RORA: variants seen among roughly 807,000 people sequenced by gnomAD.
RORA encodes RAR related orphan receptor A.
In RORA, 7 loss-of-function variants were observed where a neutral mutation model predicts 69.5. The observed-to-expected ratio is 0.10, with a 90% CI of 0.06 to 0.19. The LOEUF (loss-of-function observed/expected upper bound fraction) is 0.19, where lower values mean the gene tolerates loss of function less well. RORA is among the 10% of genes least tolerant of loss of function. The probability of loss-of-function intolerance (pLI) is 1.00; values close to 1 mark genes in which losing one functional copy is unlikely to be tolerated. For synonymous variants in RORA, 261 were observed against 240.8 expected, an observed-to-expected ratio of 1.08 and a Z score of -0.78; for missense variants, 457 against 663.0, an observed-to-expected ratio of 0.69 and a Z score of 3.41.
At chr15:60,884,954 GC>G (rs35366422) in intron 1 of RORA, among the ~76,000 whole-genome samples, 1 of 152,132 alleles carries the variant, frequency 6.6e-6, no homozygotes, top group African/African-American at 2.4e-5. Context: ...GAAATAACAG[GC>G]CCCCAAAACA....
intron 1 of RORA, among the ~76,000 whole-genome samples, chr15:60,766,152 G>A (rs1380974171): frequency 6.6e-6 from 1 of 152,082 alleles, no homozygotes; most frequent in Admixed American, 6.6e-5. Context: ...TCACTGGACT[G>A]TTGTTGAAAA....
chr15:61,188,199 TA>T (rs1231296297), intron 1 of RORA, among the ~76,000 whole-genome samples: 1 of 152,062 alleles, frequency 6.6e-6, no homozygotes, highest in Non-Finnish European at 1.5e-5. Flanking sequence ...GGAGTGGGGA[TA>T]GGGAAACTCT....
intron 1 of RORA, among the ~76,000 whole-genome samples, chr15:60,936,537 C>A (rs188365842): frequency 6.6e-6 from 1 of 152,364 alleles, no homozygotes. Context: ...TTTGCCTCGG[C>A]ATCCTCTCCA....
chr15:60,587,388 T>C (rs1161435869), intron 2 of RORA, among the ~76,000 whole-genome samples: 21 of 152,324 alleles, frequency 1.4e-4, no homozygotes, highest in Non-Finnish European at 7.4e-5. Context: ...AGAGTTATAA[T>C]TTCCACTAAC....
chr15:60,499,633 T>G (rs1455172496), intron 10 of RORA, among the ~76,000 whole-genome samples: 1 of 152,250 alleles, frequency 6.6e-6, no homozygotes, highest in African/African-American at 2.4e-5. Flanking sequence ...AGAGAATTTC[T>G]AGAATGTAAC....
At chr15:60,876,246 C>T (rs1019097733) in intron 1 of RORA, among the ~76,000 whole-genome samples, 1 of 142,826 alleles carries the variant, frequency 7.0e-6, no homozygotes, top group African/African-American at 2.6e-5. Flanking sequence ...CTCCCCCAAC[C>T]AAAAAATGTG....
intron 1 of RORA, among the ~76,000 whole-genome samples, chr15:61,141,789 C>T (rs999230747): frequency 1.3e-5 from 2 of 152,192 alleles, no homozygotes; most frequent in South Asian, 2.1e-4. Flanking sequence ...ATCCTCAAAT[C>T]GCCCTGCAAA....
intron 1 of RORA, among the ~76,000 whole-genome samples, chr15:61,046,922 TG>T (rs1477055906): frequency 1.3e-5 from 2 of 152,162 alleles, no homozygotes; most frequent in African/African-American, 4.8e-5. Context: ...TTTGTCAAAG[TG>T]GAATTGATAT....
chr15:60,639,181 G>C (rs1054028397), intron 2 of RORA, among the ~76,000 whole-genome samples: 2 of 146,150 alleles, frequency 1.4e-5, no homozygotes, highest in Non-Finnish European at 3.0e-5. Flanking sequence ...AATCAGGCAA[G>C]TTTATCTTTG....
chr15:61,162,017 G>A (rs1051081350), intron 1 of RORA, among the ~76,000 whole-genome samples: 13 of 152,152 alleles, frequency 8.5e-5, no homozygotes, highest in African/African-American at 3.1e-4. Flanking sequence ...AAATAGAAAT[G>A]TAGATATATA....
chr15:60,692,218 T>A (rs1457158462), intron 1 of RORA, among the ~76,000 whole-genome samples: 9 of 152,200 alleles, frequency 5.9e-5, no homozygotes, highest in East Asian at 3.8e-4. Flanking sequence ...GCCAGATTTT[T>A]AAAAAAATAC....
At chr15:61,144,322 TA>T (rs1309587436) in intron 1 of RORA, among the ~76,000 whole-genome samples, 1 of 152,142 alleles carries the variant, frequency 6.6e-6, no homozygotes, top group Non-Finnish European at 1.5e-5. Context: ...CCCAAACTGG[TA>T]AAAAAGGAGC....
intron 1 of RORA, among the ~76,000 whole-genome samples, chr15:61,038,484 C>T (rs1390443665): frequency 1.3e-5 from 2 of 152,170 alleles, no homozygotes; most frequent in Non-Finnish European, 2.9e-5. Context: ...GATAATTTTA[C>T]ACTCAATCAA....
At chr15:61,158,191 G>C (rs73434631) in intron 1 of RORA, among the ~76,000 whole-genome samples, 2,996 of 152,302 alleles carry the variant, frequency 0.02, 85 homozygotes, top group African/African-American at 0.068. Context: ...CATCCTGACA[G>C]ATGTGATCCC....
intron 1 of RORA, among the ~76,000 whole-genome samples, chr15:61,037,076 C>T (rs1362397533): frequency 6.6e-6 from 1 of 152,122 alleles, no homozygotes; most frequent in East Asian, 1.9e-4. Flanking sequence ...TATAGGAATT[C>T]AAATCCTAGC....
At chr15:60,983,556 C>A (rs1364467952) in intron 1 of RORA, among the ~76,000 whole-genome samples, 1 of 152,112 alleles carries the variant, frequency 6.6e-6, no homozygotes, top group Non-Finnish European at 1.5e-5. Context: ...CTGTCTGAAG[C>A]CTGCTACCCA....
chr15:60,977,842 T>C (rs1893922990), intron 1 of RORA, among the ~76,000 whole-genome samples: 1 of 152,224 alleles, frequency 6.6e-6, no homozygotes, highest in Non-Finnish European at 1.5e-5. Context: ...ATACCAGATT[T>C]TGCATGCCCA....
At chr15:60,750,162 G>C (rs2071703749) in intron 1 of RORA, among the ~76,000 whole-genome samples, 1 of 152,208 alleles carries the variant, frequency 6.6e-6, no homozygotes, top group African/African-American at 2.4e-5. Flanking sequence ...TTGAGGAAAT[G>C]GAGGTTCAAA....
At chr15:60,856,796 G>A (rs1184029102) in intron 1 of RORA, among the ~76,000 whole-genome samples, 1 of 152,212 alleles carries the variant, frequency 6.6e-6, no homozygotes, top group East Asian at 1.9e-4. Context: ...GTGGAACCTG[G>A]ACTGTCAGAA....
Sources: gnomAD v4.1 joint callset for allele counts (sites outside exome capture counted in the v4.1 genomes callset) on GRCh38, gnomAD v4.1.1 for gene constraint, MANE v1.5 for transcripts, NCBI Gene and HGNC (gene_info 2026-07-23, HGNC 2026-07-21) for gene names.